Variants in MOB3B observed in about 807,000 individuals in gnomAD.
MOB3B encodes MOB kinase activator-like 2B.
MOB3B carries 7 observed loss-of-function variants against 18.7 expected under a neutral mutation model. That is an observed-to-expected ratio of 0.37 (90% CI 0.21 to 0.70). The LOEUF (loss-of-function observed/expected upper bound fraction) is 0.70. MOB3B is among the 30% of genes least tolerant of loss of function. The probability of loss-of-function intolerance (pLI) is 0.52; values close to 1 mark genes in which losing one functional copy is unlikely to be tolerated. For synonymous variants in MOB3B, 111 were observed against 99.9 expected, an observed-to-expected ratio of 1.11 and a Z score of -0.66; for missense variants, 253 against 281.3, an observed-to-expected ratio of 0.90 and a Z score of 0.72.
chr9:27,360,340 CT>C (rs1397439450), intron 2 of MOB3B, among the ~76,000 whole-genome samples: 1 of 152,128 alleles, frequency 6.6e-6, no homozygotes, highest in African/African-American at 2.4e-5. Flanking sequence ...ACTATCTCTA[CT>C]AAAAATACAA....
chr9:27,433,609 T>C (rs1314902827), intron 2 of MOB3B, among the ~76,000 whole-genome samples: 1 of 152,142 alleles, frequency 6.6e-6, no homozygotes, highest in Non-Finnish European at 1.5e-5. Flanking sequence ...ATCTCCACCC[T>C]CCAGTTAATC....
At chr9:27,512,537 T>C (rs1820162496) in intron 1 of MOB3B, among the ~76,000 whole-genome samples, 2 of 152,120 alleles carry the variant, frequency 1.3e-5, no homozygotes. Flanking sequence ...GTATAGAAAA[T>C]TCATTTCATT....
chr9:27,437,966 G>C (rs1340793337), intron 2 of MOB3B, among the ~76,000 whole-genome samples: 1 of 152,184 alleles, frequency 6.6e-6, no homozygotes, highest in Non-Finnish European at 1.5e-5. Flanking sequence ...GAAGGAGAAA[G>C]ACTGCTGGAC....
intron 3 of MOB3B, among the ~76,000 whole-genome samples, chr9:27,349,470 C>T (rs528406150): frequency 1.8e-4 from 28 of 152,150 alleles, no homozygotes; most frequent in African/African-American, 2.9e-4. Flanking sequence ...CTTATCTGGC[C>T]GGGAAATTTA....
chr9:27,516,398 G>T (rs913832824), intron 1 of MOB3B, among the ~76,000 whole-genome samples: 2 of 152,130 alleles, frequency 1.3e-5, no homozygotes, highest in Admixed American at 6.5e-5. Flanking sequence ...TGTATTTCAT[G>T]GGAGGCATAT....
intron 3 of MOB3B, among the ~76,000 whole-genome samples, chr9:27,349,460 C>G (rs1056764028): frequency 2.6e-5 from 4 of 152,150 alleles, no homozygotes; most frequent in Admixed American, 2.6e-4. Flanking sequence ...AGAATCTAAT[C>G]TTATCTGGCC....
rs536716885 is a variant in MOB3B at position 27,481,511 on chromosome 9, G to GTTTTTTTTTTTTT, written c.-198-25764_-198-25763insAAAAAAAAAAAAA. 1.9e-4 allele frequency among the ~76,000 whole-genome samples: 13 copies of GTTTTTTTTTTTTT among 69,718 alleles called. 1 individual carries two copies. The highest frequency in any genetic ancestry group is 2.7e-4 in the Admixed American group (2 of 7,432). The allele number at this position is 69,718 out of a possible 152,430, so 45.7% of individuals were successfully genotyped here. A position where few individuals can be genotyped will look rare whatever the true frequency, so the allele number is the denominator to read the frequency against. ...TAAGGAAGGTAGTTTTTTTTTTTTT[G>GTTTTTTTTTTTTT]TTTTTTTTGTTTTTTTTTTTTTTTG... On this transcript the variant is annotated intron_variant, in intron 1 of 3. Transcript: ENST00000262244.
intron 1 of MOB3B, among the ~76,000 whole-genome samples, chr9:27,472,936 C>T (rs1819495422): frequency 6.6e-6 from 1 of 152,238 alleles, no homozygotes; most frequent in Non-Finnish European, 1.5e-5. Context: ...CTAAAAGTCA[C>T]TTTGGTGCAT....
At chr9:27,490,797 C>G (rs900579873) in intron 1 of MOB3B, among the ~76,000 whole-genome samples, 1 of 152,076 alleles carries the variant, frequency 6.6e-6, no homozygotes, top group South Asian at 2.1e-4. Context: ...AATGTAGCCA[C>G]GTGAAACTAG....
At chr9:27,362,252 A>G (rs1387729776) in intron 2 of MOB3B, among the ~76,000 whole-genome samples, 1 of 152,132 alleles carries the variant, frequency 6.6e-6, no homozygotes, top group Non-Finnish European at 1.5e-5. Context: ...AGTTTAAAAT[A>G]CTAACCTGAC....
At chr9:27,334,359 C>A (rs765507310) in intron 3 of MOB3B, among the ~76,000 whole-genome samples, 1 of 151,732 alleles carries the variant, frequency 6.6e-6, no homozygotes, top group Admixed American at 6.6e-5. Context: ...AAAACAAGAC[C>A]GGTTATTTAA....
intron 3 of MOB3B, among the ~76,000 whole-genome samples, chr9:27,334,466 G>A (rs1001239730): frequency 6.6e-6 from 1 of 152,276 alleles, no homozygotes; most frequent in South Asian, 2.1e-4. Context: ...TTGTGGGGAC[G>A]GTGGGGGTGG....
chr9:27,375,943 C>T (rs1475228016), intron 2 of MOB3B, among the ~76,000 whole-genome samples: 1 of 152,148 alleles, frequency 6.6e-6, no homozygotes, highest in Non-Finnish European at 1.5e-5. Context: ...TTCTTTTGGT[C>T]TAATCATAAA....
intron 2 of MOB3B, among the ~76,000 whole-genome samples, chr9:27,449,887 A>C (rs1822755875): frequency 6.6e-6 from 1 of 151,812 alleles, no homozygotes; most frequent in African/African-American, 2.4e-5. Flanking sequence ...CTGAGACAGG[A>C]GAATCACTTG....
intron 2 of MOB3B, among the ~76,000 whole-genome samples, chr9:27,429,708 T>C (rs964051109): frequency 6.6e-6 from 1 of 152,076 alleles, no homozygotes; most frequent in African/African-American, 2.4e-5. Flanking sequence ...GACGGAGAGC[T>C]TGGGCCAGCC....
intron 2 of MOB3B, among the ~76,000 whole-genome samples, chr9:27,444,128 A>AAG (rs1299442339): frequency 6.6e-6 from 1 of 150,738 alleles, no homozygotes; most frequent in Non-Finnish European, 1.5e-5. Flanking sequence ...AAAAGAAAGA[A>AAG]AGAGAGAGAG....
intron 1 of MOB3B, among the ~76,000 whole-genome samples, chr9:27,476,704 G>T (rs1459260400): frequency 6.6e-6 from 1 of 152,204 alleles, no homozygotes; most frequent in African/African-American, 2.4e-5. Flanking sequence ...TTTACCCAGT[G>T]TGGCTGCCAT....
At chr9:27,411,706 G>A (rs1312882638) in intron 2 of MOB3B, among the ~76,000 whole-genome samples, 3 of 152,174 alleles carry the variant, frequency 2.0e-5, no homozygotes, top group South Asian at 2.1e-4. Context: ...GTGGAGCAGA[G>A]GGGATTTTTA....
At chr9:27,419,817 A>G (rs899215454) in intron 2 of MOB3B, among the ~76,000 whole-genome samples, 2 of 152,236 alleles carry the variant, frequency 1.3e-5, no homozygotes, top group African/African-American at 4.8e-5. Context: ...ACCTAATTAA[A>G]CTAAAGAGCT....
Sources: gnomAD v4.1 joint callset for allele counts (sites outside exome capture counted in the v4.1 genomes callset) on GRCh38, gnomAD v4.1.1 for gene constraint, MANE v1.5 for transcripts, NCBI Gene and HGNC (gene_info 2026-07-23, HGNC 2026-07-21) for gene names.